Variants in PTPRO observed in about 807,000 individuals in gnomAD.
PTPRO encodes the protein protein tyrosine phosphatase receptor type O.
In PTPRO, 62 loss-of-function variants were observed where a neutral mutation model predicts 145.2. The ratio of observed to expected loss-of-function variants is 0.43; its 90% CI spans 0.35 to 0.53. The LOEUF (loss-of-function observed/expected upper bound fraction) is 0.53. PTPRO is among the 20% of genes least tolerant of loss of function. The probability of loss-of-function intolerance (pLI) is 0.01; values close to 1 mark genes in which losing one functional copy is unlikely to be tolerated. For synonymous variants in PTPRO, 565 were observed against 514.7 expected, an observed-to-expected ratio of 1.10 and a Z score of -1.32; for missense variants, 1,345 against 1,482.7, an observed-to-expected ratio of 0.91 and a Z score of 1.53.
intron 3 of PTPRO, among the ~76,000 whole-genome samples, chr12:15,499,206 T>C (rs1266438179): frequency 2.0e-5 from 3 of 152,218 alleles, no homozygotes; most frequent in African/African-American, 7.2e-5. Context: ...ACAAAAAGGT[T>C]AACTCCAATT....
chr12:15,528,921 T>A (rs1942900987), intron 12 of PTPRO, among the ~76,000 whole-genome samples: 2 of 152,046 alleles, frequency 1.3e-5, no homozygotes, highest in African/African-American at 4.8e-5. Context: ...AAATTGTCCT[T>A]CAAATATGAA....
intron 1 of PTPRO, among the ~76,000 whole-genome samples, chr12:15,405,560 G>A (rs1437742752): frequency 6.6e-6 from 1 of 152,074 alleles, no homozygotes; most frequent in Non-Finnish European, 1.5e-5. Context: ...TACCTATTAG[G>A]TAGACAAAAA....
Position 15,498,897 on chromosome 12 carries a change from A to G in PTPRO, c.509-545A>G, listed in dbSNP as rs1433119210. The stretch of plus-strand genomic sequence containing the variant: ...TAGTTTTGTTCTCTCATTTCTTTTG[A>G]GTTGGATTGGATTTTTAGTTTATTG... On this transcript the variant is annotated intron_variant, in intron 3 of 26. Transcript: ENST00000281171. Among the ~76,000 whole-genome samples the G allele has an allele frequency of 2.0e-5, 3 of 152,036 alleles. No individual in the cohort carries two copies. The East Asian group carries it at 5.8e-4, about 29-fold the overall frequency.
chr12:15,542,202 C>G (rs10846197), intron 12 of PTPRO, among the ~76,000 whole-genome samples: 96,657 of 151,980 alleles, frequency 0.64, 31,272 homozygotes, highest in East Asian at 0.71. Flanking sequence ...TCTTGTGCTT[C>G]TGAGAATGGA....
chr12:15,423,662 A>T (rs1565621000), intron 1 of PTPRO, among the ~76,000 whole-genome samples: 1 of 152,134 alleles, frequency 6.6e-6, no homozygotes, highest in Non-Finnish European at 1.5e-5. Context: ...GAACCTAGAA[A>T]TTTTTTTGTT....
intron 1 of PTPRO, among the ~76,000 whole-genome samples, chr12:15,384,699 T>G (rs1938967136): frequency 6.6e-6 from 1 of 152,182 alleles, no homozygotes; most frequent in African/African-American, 2.4e-5. Context: ...AGGAACACAA[T>G]TTAGTCCACA....
intron 12 of PTPRO, among the ~76,000 whole-genome samples, chr12:15,543,019 T>C (rs1943210480): frequency 6.6e-6 from 1 of 152,218 alleles, no homozygotes; most frequent in Non-Finnish European, 1.5e-5. Flanking sequence ...TAGTAATAAG[T>C]TCATAATTAT....
At chr12:15,507,295 C>T (rs1189081573) in intron 6 of PTPRO, among the ~76,000 whole-genome samples, 1 of 151,912 alleles carries the variant, frequency 6.6e-6, no homozygotes, top group Non-Finnish European at 1.5e-5. Context: ...CACCTGTAAT[C>T]CCAGCTACTC....
At chr12:15,584,454 CAAAG>C (rs1402040455) in intron 23 of PTPRO, among the ~76,000 whole-genome samples, 1 of 152,206 alleles carries the variant, frequency 6.6e-6, no homozygotes, top group African/African-American at 2.4e-5. Context: ...ATTCTGTTGA[CAAAG>C]AAGAGTCACA....
chr12:15,404,013 G>T (rs1186496830), intron 1 of PTPRO, among the ~76,000 whole-genome samples: 1 of 151,722 alleles, frequency 6.6e-6, no homozygotes, highest in East Asian at 1.9e-4. Flanking sequence ...TGGCTAACAC[G>T]GTGAAACCCC....
chr12:15,546,731 T>G (rs758651929), intron 13 of PTPRO, 23 bp downstream of exon 13: 1 of 1,613,422 alleles, frequency 6.2e-7, no homozygotes. Flanking sequence ...TTGATCTACC[T>G]TTTCTCAGTT....
chr12:15,569,151 A>G (rs1943978393), intron 18 of PTPRO, among the ~76,000 whole-genome samples: 1 of 152,110 alleles, frequency 6.6e-6, no homozygotes, highest in South Asian at 2.1e-4. Context: ...GTATGCATAT[A>G]TATACTACTG....
chr12:15,552,795 C>CTTTTTTTTTTT (rs747379253), intron 15 of PTPRO, among the ~76,000 whole-genome samples: 1 of 91,548 alleles, frequency 1.1e-5, no homozygotes, highest in Non-Finnish European at 2.0e-5. Context: ...GAGGTCAAAT[C>CTTTTTTTTTTT]TTTTTTTTTT....
At chr12:15,536,357 G>A (rs1354913968) in intron 12 of PTPRO, among the ~76,000 whole-genome samples, 1 of 152,214 alleles carries the variant, frequency 6.6e-6, no homozygotes, top group African/African-American at 2.4e-5. Context: ...TAAAGGAGAT[G>A]AGGGAGTAAA....
At chr12:15,414,078 A>C (rs1225664002) in intron 1 of PTPRO, among the ~76,000 whole-genome samples, 4 of 152,306 alleles carry the variant, frequency 2.6e-5, no homozygotes, top group African/African-American at 9.6e-5. Context: ...CTTTGTGCAG[A>C]TATTTATCCG....
At chr12:15,494,951 G>A (rs1198390119) in intron 2 of PTPRO, among the ~76,000 whole-genome samples, 1 of 152,134 alleles carries the variant, frequency 6.6e-6, no homozygotes, top group Non-Finnish European at 1.5e-5. Flanking sequence ...GCTGGATCTG[G>A]TAGACTCCAT....
chr12:15,438,227 A>G (rs1273505628), intron 1 of PTPRO, among the ~76,000 whole-genome samples: 1 of 152,202 alleles, frequency 6.6e-6, no homozygotes, highest in Non-Finnish European at 1.5e-5. Context: ...CTGTATGAAA[A>G]AAAATACAAA....
At chr12:15,395,242 G>C (rs1350085240) in intron 1 of PTPRO, among the ~76,000 whole-genome samples, 1 of 152,172 alleles carries the variant, frequency 6.6e-6, no homozygotes, top group African/African-American at 2.4e-5. Flanking sequence ...AGGGTGAGAA[G>C]TGTCTGGAAA....
At chr12:15,530,111 G>A (rs1942930809) in intron 12 of PTPRO, among the ~76,000 whole-genome samples, 2 of 152,148 alleles carry the variant, frequency 1.3e-5, no homozygotes, top group South Asian at 4.1e-4. Flanking sequence ...CACAAATCTA[G>A]AATTGTAAAA....
Sources: gnomAD v4.1 joint callset for allele counts (sites outside exome capture counted in the v4.1 genomes callset) on GRCh38, gnomAD v4.1.1 for gene constraint, MANE v1.5 for transcripts, NCBI Gene and HGNC (gene_info 2026-07-23, HGNC 2026-07-21) for gene names.